The following COL4A2 variants were observed in gnomAD, a reference collection of about 807,000 sequenced individuals.
COL4A2 encodes the protein collagen alpha-2(IV) chain.
COL4A2 carries 99 observed loss-of-function variants against 200.2 expected under a neutral mutation model. The ratio of observed to expected loss-of-function variants is 0.49; its 90% confidence interval spans 0.42 to 0.58. COL4A2 has a LOEUF of 0.58. Among genes scored for constraint, COL4A2 ranks in the 20% least tolerant of loss-of-function variants. The pLI, the probability that COL4A2 is intolerant of heterozygous loss-of-function variation, is 0.00. For synonymous variants in COL4A2, 897 were observed against 900.6 expected (o/e 1.00, Z 0.07); for missense variants, 1,950 against 2,314.1 (o/e 0.84, Z 3.23).
At chr13:110,324,708 C>G (rs1379275203) in intron 3 of COL4A2, among the ~76,000 whole-genome samples, 1 of 152,206 alleles carries the variant, frequency 6.6e-6, no homozygotes, top group East Asian at 1.9e-4. Flanking sequence ...TAGAAGACAG[C>G]CTCTGGAGGG....
At chr13:110,350,496 C>T (rs1876909357) in intron 3 of COL4A2, among the ~76,000 whole-genome samples, 1 of 152,160 alleles carries the variant, frequency 6.6e-6, no homozygotes, top group African/African-American at 2.4e-5. Context: ...TCACAGAGGT[C>T]AAAGCAAGGT....
chr13:110,496,440 G>A (rs959934309), intron 40 of COL4A2, among the ~76,000 whole-genome samples: 8 of 152,230 alleles, frequency 5.3e-5, no homozygotes, highest in African/African-American at 1.9e-4. Flanking sequence ...GGAGAAAGAG[G>A]AGGGGCTCTG....
intron 32 of COL4A2, among the ~76,000 whole-genome samples, chr13:110,484,021 T>G (rs1352420447): frequency 6.6e-6 from 1 of 152,240 alleles, no homozygotes. Context: ...GGTGCTCATT[T>G]TTTTTAAGAT....
chr13:110,435,053 C>T (rs749152958), intron 12 of COL4A2, among the ~76,000 whole-genome samples: 1 of 152,244 alleles, frequency 6.6e-6, no homozygotes, highest in Non-Finnish European at 1.5e-5. Flanking sequence ...GTAAAGTAGA[C>T]CTGACCCTTG....
Position 110,333,715 on chromosome 13 carries a change from T to G in COL4A2, c.100-23757T>G, listed in dbSNP as rs554729596. Among the ~76,000 whole-genome samples, 112 of 152,348 alleles carry G rather than the reference T, an allele frequency of 7.4e-4. 2 individuals are homozygous for G. In the Middle Eastern group the frequency reaches 0.051, roughly 69 times the overall value. On this transcript the variant is annotated intron_variant, in intron 3 of 47. Coordinates refer to ENST00000360467, the MANE Select transcript of COL4A2 (RefSeq NM_001846.4). Reference sequence around the variant, plus strand: ...CATATCGGGACACAGCCACTGCCTCTGCGAGTCTGAACTCGTTGCCATATT... The same window carrying G: ...CATATCGGGACACAGCCACTGCCTCGGCGAGTCTGAACTCGTTGCCATATT...
intron 16 of COL4A2, among the ~76,000 whole-genome samples, chr13:110,442,134 G>A (rs1351619387): frequency 2.0e-5 from 3 of 146,456 alleles, no homozygotes; most frequent in African/African-American, 5.1e-5. Context: ...CCACAGAGCT[G>A]CTCCCTGGAA....
intron 29 of COL4A2, among the ~76,000 whole-genome samples, chr13:110,477,738 A>G (rs1020165411): frequency 6.6e-6 from 1 of 152,262 alleles, no homozygotes; most frequent in African/African-American, 2.4e-5. Context: ...CTATACTTAT[A>G]GTGCCATGTC....
chr13:110,378,879 T>C (rs186469422), intron 4 of COL4A2, among the ~76,000 whole-genome samples: 3 of 152,262 alleles, frequency 2.0e-5, no homozygotes, highest in Admixed American at 6.5e-5. Flanking sequence ...GAGCTCCACA[T>C]TGGTGTCGGT....
At chr13:110,325,790 T>TC (rs1240165410) in intron 3 of COL4A2, among the ~76,000 whole-genome samples, 3 of 145,800 alleles carry the variant, frequency 2.1e-5, no homozygotes, top group Admixed American at 6.9e-5. Context: ...CTGAATTTCT[T>TC]TTTTTTTTTT....
At chr13:110,391,154 G>T (rs1393732748) in intron 4 of COL4A2, among the ~76,000 whole-genome samples, 6 of 152,220 alleles carry the variant, frequency 3.9e-5, no homozygotes, top group African/African-American at 1.4e-4. Context: ...GAAGAGTCTT[G>T]TTGGAAGCTC....
intron 22 of COL4A2, among the ~76,000 whole-genome samples, chr13:110,460,871 A>G (rs1251959603): frequency 6.6e-6 from 1 of 152,128 alleles, no homozygotes; most frequent in East Asian, 1.9e-4. Context: ...TGTGTGAGGA[A>G]CTCTCCTAGA....
At chr13:110,355,124 C>T (rs995900016) in intron 3 of COL4A2, among the ~76,000 whole-genome samples, 1 of 152,248 alleles carries the variant, frequency 6.6e-6, no homozygotes, top group Non-Finnish European at 1.5e-5. Context: ...GTAAGTTTTA[C>T]TTGCATGATA....
rs540280775 is a variant in COL4A2 at position 110,347,184 on chromosome 13, C to G, written c.100-10288C>G. On this transcript the variant is annotated intron_variant, in intron 3 of 47. Coordinates refer to ENST00000360467, the MANE Select transcript of COL4A2 (RefSeq NM_001846.4). ...CTACCTGTCCTCACCTGAAACCAGG[C>G]CCACCCATGCTCTGAGATCATCTCT... Among the ~76,000 whole-genome samples, 3 of 152,322 alleles carry G rather than the reference C, an allele frequency of 2.0e-5. No homozygotes were observed. The South Asian group carries it at 6.2e-4, about 32-fold the overall frequency.
chr13:110,489,268 C>G (rs890935380), intron 34 of COL4A2, among the ~76,000 whole-genome samples, 177 bp from the exon 35 acceptor site: 1 of 152,122 alleles, frequency 6.6e-6, no homozygotes, highest in African/African-American at 2.4e-5. Flanking sequence ...ACAAAAAGAA[C>G]AGCTAAGCAA....
chr13:110,419,966 C>G (rs986782436), intron 4 of COL4A2, among the ~76,000 whole-genome samples: 5 of 152,246 alleles, frequency 3.3e-5, no homozygotes, highest in Non-Finnish European at 4.4e-5. Flanking sequence ...TCACCTATCT[C>G]TTCCCTCAGG....
Position 110,465,530 on chromosome 13 carries a change from C to G in COL4A2, c.1902C>G (p.Phe634Leu). ...GLPGLKGQRG[F>L]PGDAGLPGPP... ...CCGGCCTCAAAGGCCAACGTGGTTT[C>G]CCTGGAGACGCCGGCTTACCTGGAC... The change falls in exon 25 of 48, where the codon TTC (phenylalanine) becomes TTG (leucine). Residue 634 changes from phenylalanine to leucine, a missense_variant. By Grantham distance (22) the Phe-to-Leu change is conservative. Coordinates refer to ENST00000360467, the MANE Select transcript of COL4A2 (RefSeq NM_001846.4). 6.2e-7 allele frequency: 1 copy of G among 1,614,040 alleles called. No individual in the cohort carries two copies. The highest frequency in any genetic ancestry group is 8.5e-7 in the Non-Finnish European group (1 of 1,180,008).
intron 3 of COL4A2, among the ~76,000 whole-genome samples, chr13:110,353,441 C>T (rs984958146): frequency 3.3e-5 from 5 of 152,176 alleles, no homozygotes; most frequent in African/African-American, 9.7e-5. Context: ...TGCGTGCAGT[C>T]GGTATGCCTC....
chr13:110,346,580 C>T (rs1276865541), intron 3 of COL4A2, among the ~76,000 whole-genome samples: 2 of 150,820 alleles, frequency 1.3e-5, no homozygotes, highest in Non-Finnish European at 3.0e-5. Flanking sequence ...ATGGAAATTG[C>T]CTGCATTTCA....
At chr13:110,461,325 C>T (rs1239969141) in intron 22 of COL4A2, among the ~76,000 whole-genome samples, 3 of 152,200 alleles carry the variant, frequency 2.0e-5, no homozygotes, top group Non-Finnish European at 4.4e-5. Flanking sequence ...TAATTCAGTG[C>T]TTCTCAAAAG....
Sources: gnomAD v4.1 joint callset for allele counts (sites outside exome capture counted in the v4.1 genomes callset) on GRCh38, gnomAD v4.1.1 for gene constraint, MANE v1.5 for transcripts, NCBI Gene and HGNC (gene_info 2026-07-23, HGNC 2026-07-21) for gene names.